Variants in TOP3B observed in about 807,000 individuals in gnomAD.
TOP3B encodes the protein DNA topoisomerase III beta.
In TOP3B, 45 loss-of-function variants were observed where a neutral mutation model predicts 93.9. The ratio of observed to expected loss-of-function variants is 0.48; its 90% CI spans 0.38 to 0.61. The LOEUF is 0.61. Ranked by LOEUF, TOP3B falls within the 20% of genes least tolerant of loss-of-function variation. TOP3B has a pLI of 0.00. For synonymous variants in TOP3B, 357 were observed against 472.6 expected (o/e 0.76, Z 3.17); for missense variants, 750 against 1,156.1 (o/e 0.65, Z 5.09).
intron 8 of TOP3B, chr22:21,966,391 A>T (rs562548928): frequency 8.3e-4 from 126 of 152,366 alleles, no homozygotes; most frequent in African/African-American, 2.8e-3. Flanking sequence ...CAGCCAAGCT[A>T]CAGGGATGGC....
In TOP3B at chr22:21,964,314, G is replaced by T. The variant is rs983989832; in HGVS notation, c.945C>A (p.Gly315=). 1.9e-6 allele frequency: 3 copies of T among 1,613,270 alleles called. No individual in the cohort carries two copies. The highest frequency in any genetic ancestry group is 2.5e-6 in the Non-Finnish European group (3 of 1,179,990). Residue 315 remains glycine (G), a splice_region_variant and synonymous_variant, in exon 10 of 18, where the codon GGC becomes GGA. Transcript: ENST00000357179. The part of the protein sequence containing the change: ...EMLRVASSSL[G]MGPQHAMQTA... ...TCTGCATGGCGTGCTGCGGCCCCATGCCTGCGAGAGACAGGAGGTTCTCAG... is the reference window on the plus strand; with the variant it reads ...TCTGCATGGCGTGCTGCGGCCCCATTCCTGCGAGAGACAGGAGGTTCTCAG...
In TOP3B at chr22:21,971,991, C is replaced by T. The variant is rs759489947; in HGVS notation, c.310-40G>A. 1.3e-5 allele frequency: 20 copies of T among 1,573,114 alleles called. No individual in the cohort carries two copies. The South Asian group carries it at 2.1e-4, about 16-fold the overall frequency. On this transcript the variant is annotated intron_variant, in intron 4 of 17. Transcript: ENST00000357179. The surrounding 1 kb of genome is among the most constrained non-coding windows in gnomAD (Gnocchi z 4.6). ...AGGTTCACACGTACCTGCTGCAGAC[C>T]CGGTCTGTGCCACCCGCCCCCAGTG...
chr22:21,963,655 A>C lies in TOP3B; in HGVS notation c.1204+268T>G, dbSNP rs137948556. The C allele has an allele frequency of 4.2e-6, 2 of 471,976 alleles. No individual in the cohort carries two copies. The highest frequency in any genetic ancestry group is 2.0e-5 in the African/African-American group (1 of 50,062). 29.2% of individuals were successfully genotyped at this position (471,976 alleles called of 1,614,324 possible). A position where few individuals can be genotyped will look rare whatever the true frequency, so the allele number is the denominator to read the frequency against. On this transcript the variant is annotated intron_variant, in intron 11 of 17. Coordinates refer to ENST00000357179, the MANE Select transcript of TOP3B (RefSeq NM_001282112.2). The surrounding 1 kb of genome is among the most constrained non-coding windows in gnomAD (Gnocchi z 4.8). ...TAGGAGGTGTGCTGCCCCCTCCCCC[A>C]CACCGCCACTCTCTACCCTGGTTTC...
At chr22:21,972,154 TG>T in intron 4 of TOP3B, 1 of 548,548 alleles carries the variant, frequency 1.8e-6, no homozygotes. Context: ...TGATGTTTTT[TG>T]GACCAAAAAA....
chr22:21,973,079 A>G, intron 3 of TOP3B: 1 of 325,222 alleles, frequency 3.1e-6, no homozygotes, highest in Non-Finnish European at 5.9e-6. Context: ...TGGACCCCAC[A>G]ATGGTGCCTT....
In TOP3B at chr22:21,963,858, C is replaced by T; in HGVS notation, c.1204+65G>A. ...CCCACATTGCCAACAGGGCCTGCAA[C>T]CTTCACTGTCGCAGCTCGCCCTTCC... On this transcript the variant is annotated intron_variant, in intron 11 of 17. Coordinates refer to ENST00000357179, the MANE Select transcript of TOP3B (RefSeq NM_001282112.2). This position sits in a 1 kb window ranked among gnomAD's most constrained non-coding sequence, Gnocchi z 4.8. 1 of 1,559,176 alleles carries T rather than the reference C, an allele frequency of 6.4e-7. No homozygotes were observed. Among genetic ancestry groups the T allele is most frequent in the Non-Finnish European group, 8.8e-7 (1 of 1,136,158 alleles).
intron 1 of TOP3B, 77 bp from the exon 2 acceptor site, chr22:21,975,884 CA>C: frequency 9.4e-7 from 1 of 1,063,690 alleles, no homozygotes; most frequent in Non-Finnish European, 1.2e-6. Context: ...ATCACTTTAA[CA>C]AAGAAAAAAC....
intron 13 of TOP3B, chr22:21,961,976 C>T (rs1379515252): frequency 1.8e-6 from 1 of 563,196 alleles, no homozygotes; most frequent in African/African-American, 2.0e-5. Flanking sequence ...CCTGGTCACC[C>T]TTTGGGGAGC....
intron 1 of TOP3B, among the ~76,000 whole-genome samples, chr22:21,979,912 G>A (rs991981231): frequency 7.6e-6 from 1 of 132,170 alleles, no homozygotes; most frequent in Non-Finnish European, 1.5e-5. Flanking sequence ...CTGCACTCCA[G>A]CCTGGGCGAC....
At position 21,959,485 on chromosome 22, in the gene TOP3B, A is replaced by G. The variant is rs768171076; in HGVS notation, c.1804+102T>C. On this transcript the variant is annotated intron_variant, in intron 15 of 17. Coordinates refer to ENST00000357179, the MANE Select transcript of TOP3B (RefSeq NM_001282112.2). The stretch of plus-strand genomic sequence containing the variant: ...TGGCCTACGGAGGCCTGAAGCCCAG[A>G]TCTGGGAGCTGGTCCCACGTGGGGA... 30 of 1,517,560 alleles carry G rather than the reference A, an allele frequency of 2.0e-5. No homozygotes were observed. In the Middle Eastern group the frequency reaches 8.9e-4, roughly 45 times the overall value. 94.0% of individuals were successfully genotyped at this position (1,517,560 alleles called of 1,614,324 possible). A position where few individuals can be genotyped will look rare whatever the true frequency, so the allele number is the denominator to read the frequency against.
In TOP3B at chr22:21,963,833, C is replaced by A; in HGVS notation, c.1204+90G>T. 1.4e-6 allele frequency: 2 copies of A among 1,383,110 alleles called. No individual in the cohort carries two copies. The highest frequency in any genetic ancestry group is 2.0e-6 in the Non-Finnish European group (2 of 989,892). The allele number at this position is 1,383,110 out of a possible 1,614,324, so 85.7% of individuals were successfully genotyped here. On this transcript the variant is annotated intron_variant, in intron 11 of 17. Transcript: ENST00000357179. The surrounding 1 kb of genome is among the most constrained non-coding windows in gnomAD (Gnocchi z 4.8). Reference sequence around the variant, plus strand: ...AGGGCAGGCAGAGGCTGAAGGAGCCCCCACATTGCCAACAGGGCCTGCAAC... The same window carrying A: ...AGGGCAGGCAGAGGCTGAAGGAGCCACCACATTGCCAACAGGGCCTGCAAC...
intron 14 of TOP3B, chr22:21,960,023 T>A: frequency 1.6e-6 from 1 of 614,858 alleles, no homozygotes; most frequent in Admixed American, 3.0e-5. Context: ...GCCAGTTTTG[T>A]GCTCCTCCCT....
In TOP3B at chr22:21,957,232, C is replaced by G. The variant is rs749513660; in HGVS notation, c.2471G>C (p.Arg824Pro). 1 of 1,504,036 alleles carries G rather than the reference C, an allele frequency of 6.6e-7. No individual in the cohort carries two copies. The highest frequency in any genetic ancestry group is 9.0e-7 in the Non-Finnish European group (1 of 1,109,918). The allele number at this position is 1,504,036 out of a possible 1,614,324, so 93.2% of individuals were successfully genotyped here. Residue 824 changes from arginine to proline, a missense_variant, in exon 18 of 18, where the codon CGC becomes CCC. Arg to Pro is a moderately radical substitution (Grantham distance 103, BLOSUM62 -2). Transcript: ENST00000357179. ...ACCCTGCCTTCTCCCTGGTCCACCG[C>G]GGTGCATGGGGTGGCAGGAGGCCGC... ...KHAASCHPMH[R>P]GGPGRRQGRG...
At position 21,970,418 on chromosome 22, in the gene TOP3B, G is replaced by A. The variant is rs557280176; in HGVS notation, c.385-12C>T. 8.1e-6 allele frequency: 13 copies of A among 1,612,418 alleles called. No homozygotes were observed. Among genetic ancestry groups the A allele is most frequent in the South Asian group, 5.5e-5 (5 of 90,954 alleles). On this transcript the variant is annotated splice_polypyrimidine_tract_variant and intron_variant, in intron 5 of 17. Coordinates refer to ENST00000357179, the MANE Select transcript of TOP3B (RefSeq NM_001282112.2). The surrounding 1 kb of genome is among the most constrained non-coding windows in gnomAD (Gnocchi z 4.4). ...ACAGCATCAAGAACCTGGGGGTGGG[G>A]AGTGGCCAGCTGTGACCCACCTCCC...
rs777130486 is a variant in TOP3B at position 21,970,175 on chromosome 22, G to A, written c.581+35C>T. The A allele has an allele frequency of 1.9e-6, 3 of 1,595,796 alleles. No homozygotes were observed. The highest frequency in any genetic ancestry group is 3.3e-5 in the Admixed American group (2 of 59,876). On this transcript the variant is annotated intron_variant, in intron 6 of 17. Coordinates refer to ENST00000357179, the MANE Select transcript of TOP3B (RefSeq NM_001282112.2). This position sits in a 1 kb window ranked among gnomAD's most constrained non-coding sequence, Gnocchi z 4.4. ...CAGGTCTCTGGCTGAGGGAGAGTGA[G>A]GGTGTGCCCAGGACTCTGCGGGTGT...
In TOP3B at chr22:21,962,776, G is replaced by A. The variant is rs1360027544; in HGVS notation, c.1322C>T (p.Thr441Ile). ...ISFRIGPELFTCSGKTVLSPG... is the reference protein window; with the variant it reads ...ISFRIGPELFICSGKTVLSPG... ...TGAGAGGACGGTCTTCCCGGAGCAG[G>A]TGAAGAGCTCGGGCCCAATTCTGAA... Residue 441 changes from threonine to isoleucine, a missense_variant, in exon 12 of 18, where the codon ACC (threonine) becomes ATC (isoleucine). Physicochemically the swap from Thr to Ile is moderately conservative, Grantham distance 89. This residue lies in a region of TOP3B where 737 missense variants were observed against 933.7 expected (regional missense o/e 0.79). Transcript: ENST00000357179. 2 of 1,614,054 alleles carry A rather than the reference G, an allele frequency of 1.2e-6. No individual in the cohort carries two copies. The highest frequency in any genetic ancestry group is 1.7e-6 in the Non-Finnish European group (2 of 1,180,040).
At chr22:21,967,839 T>C (rs1034922990) in intron 7 of TOP3B, 123 bp from the exon 8 acceptor site, 5 of 721,134 alleles carry the variant, frequency 6.9e-6, no homozygotes, top group Middle Eastern at 2.4e-4. Context: ...CTGGCTGTAA[T>C]GGCTCACAGC....
At position 21,971,356 on chromosome 22, in the gene TOP3B, C is replaced by T; in HGVS notation, c.384+521G>A. ...CATGGCCACTGTGAGGGCACCATGG[C>T]CGGGGCAAGCATGGGGCATGGGGTG... On this transcript the variant is annotated intron_variant, in intron 5 of 17. Transcript: ENST00000357179. The surrounding 1 kb of genome is among the most constrained non-coding windows in gnomAD (Gnocchi z 4.6). The T allele has an allele frequency of 3.5e-6, 1 of 284,958 alleles. No homozygotes were observed. The highest frequency in any genetic ancestry group is 6.9e-6 in the Non-Finnish European group (1 of 143,986). The allele number at this position is 284,958 out of a possible 1,614,324, so 17.7% of individuals were successfully genotyped here.
At chr22:21,962,629 G>C (rs1417090135) in intron 12 of TOP3B, 27 bp from the exon 13 acceptor site, 1 of 1,606,446 alleles carries the variant, frequency 6.2e-7, no homozygotes, top group African/African-American at 1.3e-5. Flanking sequence ...CGCCACTCAG[G>C]GTCCCCAGCC....
Sources: gnomAD v4.1 joint callset for allele counts (sites outside exome capture counted in the v4.1 genomes callset) on GRCh38, gnomAD v4.1.1 for gene constraint, gnomAD v4.1.1 regional missense constraint, Gnocchi (gnomAD v3.1) non-coding constraint, MANE v1.5 for transcripts, NCBI Gene and HGNC (gene_info 2026-07-23, HGNC 2026-07-21) for gene names.